PTPRS: variants seen among roughly 807,000 people sequenced by gnomAD.
The protein encoded by PTPRS is protein tyrosine phosphatase receptor type S.
A neutral mutation model predicts 215.3 loss-of-function variants in PTPRS; 63 were observed. The observed-to-expected ratio is 0.29, with a 90% CI of 0.24 to 0.36. The LOEUF is 0.36. Ranked by LOEUF, PTPRS falls within the 10% of genes least tolerant of loss-of-function variation. The pLI is 1.00. For synonymous variants in PTPRS, 1,404 were observed against 1,191.4 expected, an observed-to-expected ratio of 1.18 and a Z score of -3.68; for missense variants, 2,258 against 2,825.8, an observed-to-expected ratio of 0.80 and a Z score of 4.56.
At chr19:5,299,515 A>T (rs1241428451) in intron 1 of PTPRS, among the ~76,000 whole-genome samples, 1 of 152,104 alleles carries the variant, frequency 6.6e-6, no homozygotes, top group Non-Finnish European at 1.5e-5. Flanking sequence ...ATTACCCATT[A>T]TTTTACTGTC....
chr19:5,318,100 G>A (rs924356690), intron 1 of PTPRS, among the ~76,000 whole-genome samples: 1 of 152,078 alleles, frequency 6.6e-6, no homozygotes, highest in Admixed American at 6.6e-5. Context: ...GAACCTAGGA[G>A]GTGGAGGTTG....
chr19:5,315,293 C>T (rs556007337), intron 1 of PTPRS, among the ~76,000 whole-genome samples: 66 of 150,986 alleles, frequency 4.4e-4, no homozygotes, highest in Non-Finnish European at 8.4e-4. Flanking sequence ...AAATAAAAAA[C>T]CCTGCCACTT....
At chr19:5,229,055 G>A (rs1323024480) in intron 16 of PTPRS, among the ~76,000 whole-genome samples, 1 of 152,226 alleles carries the variant, frequency 6.6e-6, no homozygotes, top group Non-Finnish European at 1.5e-5. Flanking sequence ...AGAGGATTCA[G>A]GGACGACCCT....
chr19:5,267,679 G>A (rs2046527912), intron 4 of PTPRS, among the ~76,000 whole-genome samples: 1 of 148,916 alleles, frequency 6.7e-6, no homozygotes, highest in South Asian at 2.1e-4. Context: ...AAGAGATTAG[G>A]AAACAGCCAC....
intron 13 of PTPRS, among the ~76,000 whole-genome samples, chr19:5,238,404 C>T (rs143538760): frequency 9.7e-4 from 147 of 152,236 alleles, no homozygotes; most frequent in African/African-American, 3.3e-3. Context: ...ACTGGGACCT[C>T]GTCCTGGGGT....
rs1457999928 is a variant in PTPRS, at chr19:5,247,654, T to C, written c.719-1609A>G. On this transcript the variant is annotated intron_variant, in intron 9 of 37. Transcript: ENST00000262963. ...TCCCCATCAACACCTGCCTCTGATT[T>C]TCATACGGGATTGGGAGGTGCAGCC... is the stretch of plus-strand genomic sequence containing the variant. Among the ~76,000 whole-genome samples, 3 of 152,070 alleles carry C rather than the reference T, an allele frequency of 2.0e-5. No homozygotes were observed. In the East Asian group the frequency reaches 5.8e-4, roughly 30 times the overall value.
At chr19:5,224,730 G>C (rs573294993) in intron 17 of PTPRS, among the ~76,000 whole-genome samples, 1 of 151,990 alleles carries the variant, frequency 6.6e-6, no homozygotes, top group South Asian at 2.1e-4. Context: ...TGCCCTGCTG[G>C]CTAGAAGAAG....
At chr19:5,308,160 C>G (rs926638218) in intron 1 of PTPRS, among the ~76,000 whole-genome samples, 1 of 152,142 alleles carries the variant, frequency 6.6e-6, no homozygotes, top group Non-Finnish European at 1.5e-5. Flanking sequence ...AAATAAAAGA[C>G]GTGGTGTCAC....
intron 2 of PTPRS, among the ~76,000 whole-genome samples, chr19:5,285,078 G>T (rs1463728985): frequency 6.6e-6 from 1 of 152,204 alleles, no homozygotes; most frequent in East Asian, 1.9e-4. Context: ...CAGGATTGCC[G>T]GCCTGCTATG....
chr19:5,246,069 G>A, intron 9 of PTPRS, 24 bp from the exon 10 acceptor site: 9 of 1,408,720 alleles, frequency 6.4e-6, no homozygotes, highest in Non-Finnish European at 8.4e-6. Context: ...GGCAGTGGCG[G>A]CGGGAGGGAG....
intron 2 of PTPRS, chr19:5,277,730 C>A: frequency 1.5e-6 from 1 of 666,308 alleles, no homozygotes; most frequent in South Asian, 1.4e-5. Flanking sequence ...TCCTCCTCAG[C>A]ATCATGGCCG....
chr19:5,235,517 C>G (rs745683073), intron 13 of PTPRS, among the ~76,000 whole-genome samples: 1 of 152,220 alleles, frequency 6.6e-6, no homozygotes, highest in Non-Finnish European at 1.5e-5. Context: ...CTACTACGTG[C>G]CTCACACTTA....
intron 9 of PTPRS, among the ~76,000 whole-genome samples, chr19:5,247,836 G>T (rs974950011): frequency 2.0e-5 from 3 of 152,084 alleles, no homozygotes; most frequent in Non-Finnish European, 4.4e-5. Flanking sequence ...CAAAGAGAAG[G>T]GGGGACGTCG....
At chr19:5,239,166 A>AGG (rs2043772355) in intron 12 of PTPRS, 103 bp from the exon 13 acceptor site, 2 of 357,008 alleles carry the variant, frequency 5.6e-6, no homozygotes, top group African/African-American at 2.8e-5. Context: ...GGGGAGGGGG[A>AGG]GAGAGAGAGA....
At chr19:5,265,331 C>G in intron 4 of PTPRS, 135 bp from the exon 5 acceptor site, 1 of 735,412 alleles carries the variant, frequency 1.4e-6, no homozygotes, top group Non-Finnish European at 2.2e-6. Context: ...TGGGTGCCAT[C>G]CTTTACAGCC....
In PTPRS at chr19:5,216,710, A is replaced by G. The variant is rs1316100657; in HGVS notation, c.4096+10T>C. 2.0e-5 allele frequency: 31 copies of G among 1,556,442 alleles called. No homozygotes were observed. The highest frequency in any genetic ancestry group is 2.6e-5 in the Non-Finnish European group (30 of 1,144,870). ...GCGAAAGGAAGCCAAAAACAGACAC[A>G]AGAACTAACTTTCAAAGTGAAACCC... On this transcript the variant is annotated intron_variant, in intron 26 of 37. Transcript: ENST00000262963.
At position 5,339,535 on chromosome 19, in the gene PTPRS, G is replaced by A. The variant is rs1349394948; in HGVS notation, c.-95+1129C>T. On this transcript the variant is annotated intron_variant, in intron 1 of 37. Transcript: ENST00000262963. The surrounding 1 kb of genome is among the most constrained non-coding windows in gnomAD (Gnocchi z 4.2). ...GAGTTCCCCAATTTGGGAAGGGGGG[G>A]AATTGGTGGGAAATGTCCAGGATTT... 1.3e-5 allele frequency among the ~76,000 whole-genome samples: 2 copies of A among 151,670 alleles called. No homozygotes were observed. Among genetic ancestry groups the A allele is most frequent in the Admixed American group, 6.6e-5 (1 of 15,236 alleles).
chr19:5,288,988 G>T (rs112970040), intron 1 of PTPRS, among the ~76,000 whole-genome samples: 1 of 152,188 alleles, frequency 6.6e-6, no homozygotes, highest in African/African-American at 2.4e-5. Flanking sequence ...GCCTGTCAGG[G>T]GCAGGGACGA....
At position 5,267,648 on chromosome 19, in the gene PTPRS, C is replaced by CT. The variant is rs1274290576; in HGVS notation, c.380-2453dup. ...CTCCAGCCTGGGCGACAGAGCAAGA[C>CT]TGTCTCAAAAAAAAAAAAAAAAGAG... is the stretch of plus-strand genomic sequence containing the variant. On this transcript the variant is annotated intron_variant, in intron 4 of 37. Coordinates refer to ENST00000262963, the MANE Select transcript of PTPRS (RefSeq NM_002850.4). Among the ~76,000 whole-genome samples the CT allele has an allele frequency of 8.7e-5, 10 of 115,308 alleles. 1 individual carries two copies. The highest frequency in any genetic ancestry group is 8.1e-4 in the Admixed American group (9 of 11,178). The allele number at this position is 115,308 out of a possible 152,430, so 75.6% of individuals were successfully genotyped here.
Sources: allele counts gnomAD v4.1 joint callset (sites outside exome capture counted in the v4.1 genomes callset), GRCh38; gene constraint gnomAD v4.1.1; non-coding constraint Gnocchi (gnomAD v3.1); transcripts MANE v1.5; gene names NCBI Gene and HGNC (gene_info 2026-07-23, HGNC 2026-07-21).